RGS7: variants seen among roughly 807,000 people sequenced by gnomAD.
The protein encoded by RGS7 is regulator of G protein signaling 7.
Under a neutral mutation model 81.1 loss-of-function variants are expected in RGS7, and 27 were observed. The observed-to-expected ratio is 0.33, with a 90% CI of 0.25 to 0.46. The LOEUF (loss-of-function observed/expected upper bound fraction) is 0.46. Among genes scored for constraint, RGS7 ranks in the 20% least tolerant of loss-of-function variants. The pLI is 1.00. For synonymous variants in RGS7, 208 were observed against 207.7 expected (o/e 1.00, Z -0.01); for missense variants, 396 against 607.4 (o/e 0.65, Z 3.66).
chr1:240,789,563 T>C lies in RGS7; in HGVS notation c.*6+11078A>G, dbSNP rs548651807. The stretch of plus-strand genomic sequence containing the variant: ...GAATGTGTCCCTGAGGGGAGGCCTC[T>C]GAAATGGCCGCTTTGGGGATGGCTA... On this transcript the variant is annotated intron_variant, in intron 18 of 18. Coordinates refer to ENST00000440928, the MANE Select transcript of RGS7 (RefSeq NM_001364886.1). Among the ~76,000 whole-genome samples the C allele has an allele frequency of 3.2e-4, 48 of 152,334 alleles. 2 individuals are homozygous for C. In the South Asian group the frequency reaches 9.9e-3, roughly 32 times the overall value.
intron 3 of RGS7, among the ~76,000 whole-genome samples, chr1:241,070,499 A>C (rs564860074): frequency 1.3e-5 from 2 of 152,304 alleles, no homozygotes; most frequent in South Asian, 2.1e-4. Context: ...CTTGACCTAA[A>C]GGCAACCTTA....
intron 2 of RGS7, among the ~76,000 whole-genome samples, chr1:241,294,510 T>G (rs901771868): frequency 6.6e-6 from 1 of 152,180 alleles, no homozygotes; most frequent in Non-Finnish European, 1.5e-5. Flanking sequence ...TAATTTATTA[T>G]TGAAGAAAAG....
At chr1:241,116,716 CATGTA>C (rs2065908282) in intron 2 of RGS7, among the ~76,000 whole-genome samples, 1 of 152,100 alleles carries the variant, frequency 6.6e-6, no homozygotes, top group Admixed American at 6.6e-5. Flanking sequence ...TGTTTCAATA[CATGTA>C]ATGTATAGTG....
In RGS7 at chr1:240,817,848, C is replaced by A. The variant is rs569702863; in HGVS notation, c.685-1433G>T. Among the ~76,000 whole-genome samples the A allele has an allele frequency of 5.2e-4, 79 of 152,350 alleles. 2 individuals carry two copies. In the South Asian group the frequency reaches 0.016, roughly 32 times the overall value. Reference sequence around the variant, plus strand: ...GAACTCCTGACCTCAGGCGACCCATCCGCCTTGGCCTCCCAAAATGCTGGG... The same window carrying A: ...GAACTCCTGACCTCAGGCGACCCATACGCCTTGGCCTCCCAAAATGCTGGG... On this transcript the variant is annotated intron_variant, in intron 10 of 18. Transcript: ENST00000440928.
chr1:241,124,888 C>A (rs2066541124), intron 2 of RGS7, among the ~76,000 whole-genome samples: 1 of 152,222 alleles, frequency 6.6e-6, no homozygotes, highest in African/African-American at 2.4e-5. Flanking sequence ...TCAATGGATT[C>A]TCTCTGTACT....
At chr1:241,313,749 T>G (rs954511053) in intron 2 of RGS7, among the ~76,000 whole-genome samples, 4 of 152,232 alleles carry the variant, frequency 2.6e-5, no homozygotes, top group Non-Finnish European at 5.9e-5. Context: ...GAAAACCTTC[T>G]GGAAAGGATT....
chr1:240,936,488 G>T lies in RGS7; in HGVS notation c.333+112C>A, dbSNP rs1028346585. 3 of 804,766 alleles carry T rather than the reference G, an allele frequency of 3.7e-6. 1 individual carries two copies. In the South Asian group the frequency reaches 4.4e-5, roughly 12 times the overall value. 49.9% of individuals were successfully genotyped at this position (804,766 alleles called of 1,614,324 possible). On this transcript the variant is annotated intron_variant, in intron 5 of 18. Coordinates refer to ENST00000440928, the MANE Select transcript of RGS7 (RefSeq NM_001364886.1). ...GTTAATCAGTTTCTAACTAGCCTAA[G>T]TCAAAGTAAAATAAGTCATAGTTTT... is the stretch of plus-strand genomic sequence containing the variant.
chr1:240,948,110 T>C (rs574418594), intron 4 of RGS7, among the ~76,000 whole-genome samples: 5 of 152,372 alleles, frequency 3.3e-5, no homozygotes, highest in Admixed American at 1.3e-4. Flanking sequence ...GCGTATCTTT[T>C]AGTTGGCTTT....
intron 9 of RGS7, among the ~76,000 whole-genome samples, chr1:240,833,083 TAATAATAA>T (rs1694116579): frequency 6.6e-6 from 1 of 152,250 alleles, no homozygotes; most frequent in East Asian, 1.9e-4. Flanking sequence ...CAACAATAAG[TAATAATAA>T]AATAATAAAA....
intron 2 of RGS7, among the ~76,000 whole-genome samples, chr1:241,205,375 C>T (rs965151182): frequency 9.2e-5 from 14 of 151,544 alleles, no homozygotes; most frequent in Admixed American, 2.6e-4. Context: ...CCACTGTAAC[C>T]GACTGCATTT....
intron 3 of RGS7, among the ~76,000 whole-genome samples, chr1:241,054,121 T>C (rs1457416129): frequency 6.6e-6 from 1 of 152,152 alleles, no homozygotes; most frequent in East Asian, 1.9e-4. Context: ...ATAAGTAGAA[T>C]AGAGTCCTTG....
chr1:241,192,379 C>A (rs1352538101), intron 2 of RGS7, among the ~76,000 whole-genome samples: 1 of 152,042 alleles, frequency 6.6e-6, no homozygotes, highest in Non-Finnish European at 1.5e-5. Context: ...ATTAAGAACT[C>A]ACTGCCATGT....
chr1:241,269,595 A>G (rs779221778), intron 2 of RGS7, among the ~76,000 whole-genome samples: 27 of 152,214 alleles, frequency 1.8e-4, no homozygotes, highest in Non-Finnish European at 7.3e-5. Context: ...GAAAGCAGGG[A>G]AAAGGGATGA....
chr1:240,998,529 G>GAGC (rs1312605759), intron 3 of RGS7: 1 of 956,120 alleles, frequency 1.0e-6, no homozygotes, highest in African/African-American at 1.6e-5. Context: ...TCCTCAGCTG[G>GAGC]AGCAGCAGCA....
chr1:241,290,655 G>C (rs1042671272), intron 2 of RGS7, among the ~76,000 whole-genome samples: 4 of 152,188 alleles, frequency 2.6e-5, no homozygotes, highest in African/African-American at 9.7e-5. Context: ...AAAGCAGAGA[G>C]ATCAGGTGGA....
chr1:241,139,307 C>A (rs1387342127), intron 2 of RGS7, among the ~76,000 whole-genome samples: 4 of 150,286 alleles, frequency 2.7e-5, no homozygotes, highest in East Asian at 3.9e-4. Context: ...TCCTTCCTTC[C>A]TTCCTTCCTT....
intron 5 of RGS7, among the ~76,000 whole-genome samples, chr1:240,934,110 C>T (rs781374658): frequency 9.2e-5 from 14 of 152,218 alleles, no homozygotes; most frequent in South Asian, 4.1e-4. Flanking sequence ...ACTACAGGCA[C>T]GCACCATCAC....
intron 2 of RGS7, among the ~76,000 whole-genome samples, chr1:241,140,758 T>C (rs1041963714): frequency 6.6e-6 from 1 of 152,160 alleles, no homozygotes; most frequent in Non-Finnish European, 1.5e-5. Flanking sequence ...TCTTCTCCTT[T>C]TTGCTGGGAC....
rs10552436 is a variant in RGS7, at chr1:241,256,926, TACACACAC to T, written c.78+98765_78+98772del. ...GTTATTCTTAAACTACCACTAGAAA[TACACACAC>T]ACACACACACACACACACACACACA... On this transcript the variant is annotated intron_variant, in intron 2 of 18. Coordinates refer to ENST00000440928, the MANE Select transcript of RGS7 (RefSeq NM_001364886.1). Among the ~76,000 whole-genome samples, 1,162 of 146,188 alleles carry T rather than the reference TACACACAC, an allele frequency of 7.9e-3. 11 individuals are homozygous for T. The highest frequency in any genetic ancestry group is 0.038 in the East Asian group (185 of 4,830).
Sources: gnomAD v4.1 joint callset for allele counts (sites outside exome capture counted in the v4.1 genomes callset) on GRCh38, gnomAD v4.1.1 for gene constraint, MANE v1.5 for transcripts, NCBI Gene and HGNC (gene_info 2026-07-23, HGNC 2026-07-21) for gene names.